The following CFDP1 variants were observed in gnomAD, a reference collection of about 807,000 sequenced individuals.
CFDP1 encodes chromatin remodeling protein CFDP1.
A neutral mutation model predicts 40.1 loss-of-function variants in CFDP1; 31 were observed. The ratio of observed to expected loss-of-function variants is 0.77; its 90% CI spans 0.58 to 1.04. CFDP1 has a LOEUF of 1.04. Among genes scored for constraint, CFDP1 ranks in the 50% least tolerant of loss-of-function variants. The probability of loss-of-function intolerance (pLI) is 0.00; values close to 1 mark genes in which losing one functional copy is unlikely to be tolerated. For synonymous variants in CFDP1, 167 were observed against 120.0 expected, an observed-to-expected ratio of 1.39 and a Z score of -2.56; for missense variants, 423 against 343.4, an observed-to-expected ratio of 1.23 and a Z score of -1.83.
intron 1 of CFDP1, among the ~76,000 whole-genome samples, chr16:75,430,574 G>A (rs1009944197): frequency 1.3e-5 from 2 of 151,712 alleles, no homozygotes; most frequent in South Asian, 2.1e-4. Flanking sequence ...AAGAGATCTC[G>A]TGCCTCAGCC....
rs193271231 is a variant in CFDP1 at position 75,417,431 on chromosome 16, A to G, written c.65-2736T>C. Among the ~76,000 whole-genome samples, 141 of 152,310 alleles carry G rather than the reference A, an allele frequency of 9.3e-4. 2 individuals are homozygous for G. The highest frequency in any genetic ancestry group is 6.8e-3 in the Middle Eastern group (2 of 294). Reference sequence around the variant, plus strand: ...AAATTTCTATGTATTTACCTCCAAGATATACTCTTAAGTTAAACAGAAAAA... The same window carrying G: ...AAATTTCTATGTATTTACCTCCAAGGTATACTCTTAAGTTAAACAGAAAAA... On this transcript the variant is annotated intron_variant, in intron 1 of 6. Coordinates refer to ENST00000283882, the MANE Select transcript of CFDP1 (RefSeq NM_006324.3).
intron 5 of CFDP1, among the ~76,000 whole-genome samples, chr16:75,346,700 T>C (rs889068857): frequency 1.5e-5 from 2 of 131,254 alleles, no homozygotes; most frequent in Non-Finnish European, 3.1e-5. Flanking sequence ...TTTTCCAAGA[T>C]AGCTCTAAAA....
chr16:75,396,971 T>C (rs1205190463), intron 4 of CFDP1, among the ~76,000 whole-genome samples: 1 of 152,036 alleles, frequency 6.6e-6, no homozygotes. Context: ...TGGAGTGCAG[T>C]GGCGCAATCT....
intron 5 of CFDP1, among the ~76,000 whole-genome samples, chr16:75,373,405 T>G (rs1257157525): frequency 2.0e-5 from 3 of 152,184 alleles, no homozygotes; most frequent in Admixed American, 1.3e-4. Context: ...TGTTTTGTAC[T>G]AAAAAAGAAA....
chr16:75,357,278 G>A (rs1237718032), intron 5 of CFDP1, among the ~76,000 whole-genome samples: 3 of 151,278 alleles, frequency 2.0e-5, no homozygotes, highest in Admixed American at 6.6e-5. Flanking sequence ...TTTTTGAAAC[G>A]AAGTCTCATC....
chr16:75,411,957 A>T lies in CFDP1; in HGVS notation c.403-5T>A, dbSNP rs755902401. The stretch of plus-strand genomic sequence containing the variant: ...CTCTTCAGTCTCCTCTCCTTTCTAT[A>T]AAAAAAACAAGAAATGTAATGTTTC... On this transcript the variant is annotated splice_polypyrimidine_tract_variant and splice_region_variant and intron_variant, in intron 3 of 6. Transcript: ENST00000283882. 2.2e-5 allele frequency: 34 copies of T among 1,578,230 alleles called. No individual in the cohort carries two copies. The highest frequency in any genetic ancestry group is 1.9e-4 in the African/African-American group (14 of 72,548).
chr16:75,386,045 G>C (rs1315139967), intron 5 of CFDP1, among the ~76,000 whole-genome samples: 2 of 152,082 alleles, frequency 1.3e-5, no homozygotes, highest in African/African-American at 2.4e-5. Flanking sequence ...AGTTTTAAAA[G>C]TCTGTGATCC....
chr16:75,363,723 G>A (rs1567657667), intron 5 of CFDP1, among the ~76,000 whole-genome samples: 1 of 152,080 alleles, frequency 6.6e-6, no homozygotes, highest in Non-Finnish European at 1.5e-5. Context: ...TGCAAAAAAA[G>A]GTGTTTGGTC....
At chr16:75,300,267 C>T (rs2078213134) in intron 6 of CFDP1, among the ~76,000 whole-genome samples, 1 of 151,984 alleles carries the variant, frequency 6.6e-6, no homozygotes, top group African/African-American at 2.4e-5. Context: ...GGTGGAAAGA[C>T]AGGAAATCAA....
chr16:75,322,621 G>C (rs1172564645), intron 5 of CFDP1, among the ~76,000 whole-genome samples: 1 of 152,128 alleles, frequency 6.6e-6, no homozygotes, highest in East Asian at 1.9e-4. Context: ...GTACAGTTGA[G>C]CATCCTAAAC....
intron 5 of CFDP1, 43 bp from the exon 6 acceptor site, chr16:75,305,225 G>C: frequency 1.0e-5 from 16 of 1,590,946 alleles, no homozygotes; most frequent in Non-Finnish European, 1.3e-5. Context: ...TAAAAACTCT[G>C]ATCTCTATAT....
At chr16:75,382,106 A>T (rs1381975688) in intron 5 of CFDP1, among the ~76,000 whole-genome samples, 1 of 147,574 alleles carries the variant, frequency 6.8e-6, no homozygotes, top group Admixed American at 6.8e-5. Flanking sequence ...CAGGAGTGAA[A>T]CCCCTGTCTC....
At chr16:75,393,174 C>T (rs776994648) in intron 5 of CFDP1, among the ~76,000 whole-genome samples, 3 of 152,264 alleles carry the variant, frequency 2.0e-5, no homozygotes, top group South Asian at 2.1e-4. Flanking sequence ...CTCCTCAGCC[C>T]TCACTGTGTT....
intron 5 of CFDP1, among the ~76,000 whole-genome samples, chr16:75,335,865 T>A (rs1270476123): frequency 6.6e-6 from 1 of 152,098 alleles, no homozygotes; most frequent in African/African-American, 2.4e-5. Context: ...CAAATCTCCA[T>A]GTATTTAGCT....
At chr16:75,358,071 G>A (rs1274945091) in intron 5 of CFDP1, among the ~76,000 whole-genome samples, 1 of 152,144 alleles carries the variant, frequency 6.6e-6, no homozygotes, top group Non-Finnish European at 1.5e-5. Flanking sequence ...TCCTATGTGG[G>A]TGTGGCTCAT....
Position 75,395,095 on chromosome 16 carries a change from C to T in CFDP1, c.645G>A (p.Gly215=), listed in dbSNP as rs541463338. Residue 215 remains glycine, a synonymous_variant, in exon 5 of 7, where the codon GGG becomes GGA. Coordinates refer to ENST00000283882, the MANE Select transcript of CFDP1 (RefSeq NM_006324.3). The part of the protein sequence containing the change: ...VPSALPSLPA[G]SGLKRSSGMS... ...AGTGAGACTCAAATACTCACCCTGACCCGGCAGGGAGTGATGGCAGAGCTG... is the reference window on the plus strand; with the variant it reads ...AGTGAGACTCAAATACTCACCCTGATCCGGCAGGGAGTGATGGCAGAGCTG... The T allele has an allele frequency of 1.2e-6, 2 of 1,613,646 alleles. No individual in the cohort carries two copies. The highest frequency in any genetic ancestry group is 1.7e-6 in the Non-Finnish European group (2 of 1,179,730).
chr16:75,418,493 T>G (rs2550916), intron 1 of CFDP1, among the ~76,000 whole-genome samples: 1 of 151,372 alleles, frequency 6.6e-6, no homozygotes, highest in Non-Finnish European at 1.5e-5. Context: ...GTATTTTTAG[T>G]AGAGATGGGG....
At chr16:75,333,400 G>C (rs1445500523) in intron 5 of CFDP1, among the ~76,000 whole-genome samples, 3 of 152,208 alleles carry the variant, frequency 2.0e-5, no homozygotes, top group Admixed American at 1.3e-4. Flanking sequence ...TGGGATTACA[G>C]GCATGAGCCA....
intron 1 of CFDP1, among the ~76,000 whole-genome samples, chr16:75,430,109 C>T (rs247441): frequency 0.91 from 138,821 of 152,168 alleles, 63,349 homozygotes; most frequent in East Asian, 1. Flanking sequence ...GTTGAGTTTG[C>T]CTAAACAGAA....
Sources: allele counts gnomAD v4.1 joint callset (sites outside exome capture counted in the v4.1 genomes callset), GRCh38; gene constraint gnomAD v4.1.1; transcripts MANE v1.5; gene names NCBI Gene and HGNC (gene_info 2026-07-23, HGNC 2026-07-21).